STK32B: variants seen among roughly 807,000 people sequenced by gnomAD.
The protein encoded by STK32B is serine/threonine kinase 32B, also known as serine/threonine-protein kinase 32B.
In STK32B, 43 loss-of-function variants were observed where a neutral mutation model predicts 52.6. The observed-to-expected ratio is 0.82, with a 90% CI of 0.64 to 1.05. The LOEUF (loss-of-function observed/expected upper bound fraction) is 1.05. STK32B is among the 50% of genes least tolerant of loss of function. STK32B has a pLI of 0.00. For synonymous variants in STK32B, 238 were observed against 204.3 expected (o/e 1.17, Z -1.41); for missense variants, 621 against 534.6 (o/e 1.16, Z -1.59).
chr4:5,198,543 C>T (rs1231710381), intron 3 of STK32B, among the ~76,000 whole-genome samples: 3 of 152,150 alleles, frequency 2.0e-5, no homozygotes, highest in Non-Finnish European at 4.4e-5. Context: ...TGCTATGCTT[C>T]GCCATCTGGG....
chr4:5,370,020 C>T (rs575150373), intron 4 of STK32B, among the ~76,000 whole-genome samples: 4 of 152,056 alleles, frequency 2.6e-5, no homozygotes, highest in East Asian at 3.9e-4. Flanking sequence ...GGACTACAGG[C>T]GCCACCATCA....
intron 5 of STK32B, among the ~76,000 whole-genome samples, chr4:5,402,596 G>A (rs1161151311): frequency 1.3e-5 from 2 of 152,298 alleles, no homozygotes; most frequent in East Asian, 3.9e-4. Context: ...ATGGTCTGGG[G>A]TGACTGTTCT....
chr4:5,398,106 C>A lies in STK32B; in HGVS notation c.435-101C>A. Reference sequence around the variant, plus strand: ...AGGCTTCAGGTCAGGGAGAGGTGAGCAGCCTGGGTGTTCCAGCATTTGTCC... The same window carrying A: ...AGGCTTCAGGTCAGGGAGAGGTGAGAAGCCTGGGTGTTCCAGCATTTGTCC... On this transcript the variant is annotated intron_variant, in intron 4 of 11. Coordinates refer to ENST00000282908, the MANE Select transcript of STK32B (RefSeq NM_018401.3). The surrounding 1 kb of genome is among the most constrained non-coding windows in gnomAD (Gnocchi z 4.9). 7.5e-7 allele frequency: 1 copy of A among 1,331,504 alleles called. No individual in the cohort carries two copies. The highest frequency in any genetic ancestry group is 1.1e-6 in the Non-Finnish European group (1 of 950,276). 82.5% of individuals were successfully genotyped at this position (1,331,504 alleles called of 1,614,324 possible).
chr4:5,285,521 A>G (rs945087849), intron 3 of STK32B, among the ~76,000 whole-genome samples: 19 of 152,310 alleles, frequency 1.2e-4, no homozygotes, highest in African/African-American at 4.1e-4. Flanking sequence ...GAATTATAGT[A>G]CAAATTGACT....
chr4:5,052,063 C>A, intron 1 of STK32B, 148 bp downstream of exon 1: 1 of 1,267,144 alleles, frequency 7.9e-7, no homozygotes, highest in Non-Finnish European at 1.1e-6. Flanking sequence ...GTGTGCCCGA[C>A]CCGTGCCAGG....
At chr4:5,019,402 G>A in the STK32B span, 2 of 1,491,808 alleles carry the variant, frequency 1.3e-6, no homozygotes, top group African/African-American at 1.5e-5. Flanking sequence ...GGGGGCTCCC[G>A]CCAGGAGCAG....
Position 5,286,253 on chromosome 4 carries a change from A to G in STK32B, c.261-44967A>G, listed in dbSNP as rs534720704. Among the ~76,000 whole-genome samples the G allele has an allele frequency of 5.3e-5, 8 of 152,332 alleles. 1 individual carries two copies. The highest frequency in any genetic ancestry group is 1.9e-4 in the African/African-American group (8 of 41,574). On this transcript the variant is annotated intron_variant, in intron 3 of 11. Coordinates refer to ENST00000282908, the MANE Select transcript of STK32B (RefSeq NM_018401.3). ...TTAAAAACCATTTTACACCCAACAG[A>G]TGAGCCACAAAACTAGACTTCTCAA...
intron 4 of STK32B, among the ~76,000 whole-genome samples, chr4:5,379,111 G>A (rs996613444): frequency 7.9e-5 from 12 of 152,138 alleles, no homozygotes; most frequent in African/African-American, 2.9e-4. Context: ...CTACCTGTTG[G>A]TCAGTGATAA....
chr4:5,374,778 GC>G (rs200792803), intron 4 of STK32B, among the ~76,000 whole-genome samples: 228 of 139,902 alleles, frequency 1.6e-3, no homozygotes, highest in East Asian at 6.2e-3. Context: ...ATTGACGGGG[GC>G]GGGGGGGGAA....
chr4:5,049,361 C>T (rs1252713754), upstream of STK32B, among the ~76,000 whole-genome samples: 1 of 152,138 alleles, frequency 6.6e-6, no homozygotes, highest in African/African-American at 2.4e-5. Context: ...TTCTGTCATG[C>T]GTGTCCGTGT....
intron 6 of STK32B, among the ~76,000 whole-genome samples, chr4:5,442,955 G>C (rs1211467912): frequency 6.6e-6 from 1 of 151,802 alleles, no homozygotes; most frequent in East Asian, 1.9e-4. Context: ...TGGCTTGTAG[G>C]GTGTCTGCCG....
intron 4 of STK32B, among the ~76,000 whole-genome samples, chr4:5,337,566 A>G (rs1293187523): frequency 6.6e-6 from 1 of 152,212 alleles, no homozygotes; most frequent in African/African-American, 2.4e-5. Context: ...CATGTATACC[A>G]TGACCAGTTC....
intron 11 of STK32B, among the ~76,000 whole-genome samples, chr4:5,485,376 G>T (rs780467091): frequency 6.6e-6 from 1 of 151,862 alleles, no homozygotes; most frequent in Middle Eastern, 3.2e-3. Flanking sequence ...CCAGTTGATC[G>T]AATCGGCTAC....
rs189161073 is a variant in STK32B at position 5,406,111 on chromosome 4, G to C, written c.472+7867G>C. On this transcript the variant is annotated intron_variant, in intron 5 of 11. Coordinates refer to ENST00000282908, the MANE Select transcript of STK32B (RefSeq NM_018401.3). ...AAATACAACTGTTCCAAAAGGGAGA[G>C]ATCAGCTAAAACAAAGGAGCCTCAT... 2.6e-3 allele frequency among the ~76,000 whole-genome samples: 391 copies of C among 152,278 alleles called. 3 individuals are homozygous for C. Among genetic ancestry groups the C allele is most frequent in the African/African-American group, 9.3e-3 (385 of 41,540 alleles).
intron 6 of STK32B, among the ~76,000 whole-genome samples, chr4:5,426,362 TATATTTTC>T (rs1201657071): frequency 3.3e-5 from 5 of 152,176 alleles, no homozygotes; most frequent in Non-Finnish European, 7.3e-5. Context: ...TTGCCATCCA[TATATTTTC>T]TGTGTGGAAT....
chr4:5,352,300 C>G (rs560692157), intron 4 of STK32B, among the ~76,000 whole-genome samples: 1 of 151,962 alleles, frequency 6.6e-6, no homozygotes, highest in Non-Finnish European at 1.5e-5. Context: ...ATATGCAAAT[C>G]GGTAAATTTA....
chr4:5,079,161 A>T (rs1277378399), intron 1 of STK32B, among the ~76,000 whole-genome samples: 1 of 152,134 alleles, frequency 6.6e-6, no homozygotes. Flanking sequence ...AAAATGTTTA[A>T]TGGCTGCAGA....
chr4:5,078,078 C>T (rs1415673227), intron 1 of STK32B, among the ~76,000 whole-genome samples: 3 of 152,096 alleles, frequency 2.0e-5, no homozygotes, highest in African/African-American at 7.2e-5. Context: ...CCCACAAATC[C>T]CCATACGATA....
intron 3 of STK32B, among the ~76,000 whole-genome samples, chr4:5,283,519 A>G (rs187725378): frequency 6.6e-6 from 1 of 152,276 alleles, no homozygotes; most frequent in Non-Finnish European, 1.5e-5. Context: ...ATTTAATCCA[A>G]AGAGGAATTC....
Sources: allele counts gnomAD v4.1 joint callset (sites outside exome capture counted in the v4.1 genomes callset), GRCh38; gene constraint gnomAD v4.1.1; non-coding constraint Gnocchi (gnomAD v3.1); transcripts MANE v1.5; gene names NCBI Gene and HGNC (gene_info 2026-07-23, HGNC 2026-07-21).